The following SMCO4 variants were observed in gnomAD, a reference collection of about 807,000 sequenced individuals.
SMCO4 encodes single-pass membrane and coiled-coil domain-containing protein 4.
A neutral mutation model predicts 3.6 loss-of-function variants in SMCO4; 4 were observed. The observed-to-expected ratio is 1.11, with a 90% confidence interval of 0.54 to 2.53. The LOEUF (loss-of-function observed/expected upper bound fraction) is 2.53, where lower values mean the gene tolerates loss of function less well. Ranked by LOEUF, SMCO4 falls within the 30% of genes most tolerant of loss-of-function variation. The pLI, the probability that SMCO4 is intolerant of heterozygous loss-of-function variation, is 0.02. For missense variants in SMCO4, 70 were observed against 80.8 expected (o/e 0.87, Z 0.51); for synonymous variants, 36 against 35.3 (o/e 1.02, Z -0.07).
intron 2 of SMCO4, among the ~76,000 whole-genome samples, chr11:93,483,895 C>T (rs1018038197): frequency 6.6e-6 from 1 of 152,114 alleles, no homozygotes; most frequent in African/African-American, 2.4e-5. Context: ...CACTTTGTGC[C>T]CCCATCATGG....
intron 2 of SMCO4, among the ~76,000 whole-genome samples, chr11:93,492,145 G>C (rs1948724730): frequency 6.6e-6 from 1 of 152,188 alleles, no homozygotes; most frequent in African/African-American, 2.4e-5. Flanking sequence ...ACTAGCCCCA[G>C]AGACAGGCGA....
chr11:93,545,061 T>C (rs540900014), upstream of SMCO4, among the ~76,000 whole-genome samples: 1 of 152,202 alleles, frequency 6.6e-6, no homozygotes, highest in Non-Finnish European at 1.5e-5. Context: ...TTAGCAAGCC[T>C]CAAGGTTTAA....
chr11:93,530,844 C>T (rs1949155216), intron 1 of SMCO4, among the ~76,000 whole-genome samples: 1 of 152,326 alleles, frequency 6.6e-6, no homozygotes. Flanking sequence ...ACCACCTCAC[C>T]TTCCCCTCTG....
At chr11:93,528,020 T>C (rs946699446) in intron 1 of SMCO4, among the ~76,000 whole-genome samples, 2 of 152,098 alleles carry the variant, frequency 1.3e-5, no homozygotes, top group African/African-American at 4.8e-5. Flanking sequence ...AGTTCTTACA[T>C]TGTCTGGCAC....
intron 1 of SMCO4, among the ~76,000 whole-genome samples, chr11:93,522,616 C>T (rs1166039713): frequency 6.6e-6 from 1 of 152,238 alleles, no homozygotes; most frequent in African/African-American, 2.4e-5. Flanking sequence ...GCCAAGTCTC[C>T]GCCATTGTAG....
chr11:93,528,904 A>G (rs1184107874), intron 1 of SMCO4, among the ~76,000 whole-genome samples: 3 of 152,116 alleles, frequency 2.0e-5, no homozygotes, highest in African/African-American at 7.2e-5. Flanking sequence ...CCCACATCCA[A>G]TACATCCTGT....
At chr11:93,549,512 A>C in the SMCO4 span, among the ~76,000 whole-genome samples, 1 of 152,038 alleles carries the variant, frequency 6.6e-6, no homozygotes, top group African/African-American at 2.4e-5. Context: ...GCAGTGGCAC[A>C]ATCACATCTC....
At chr11:93,508,089 G>A (rs1329707148) in intron 1 of SMCO4, among the ~76,000 whole-genome samples, 1 of 152,006 alleles carries the variant, frequency 6.6e-6, no homozygotes, top group Non-Finnish European at 1.5e-5. Flanking sequence ...TTCTAACACA[G>A]TAAATATTAC....
chr11:93,553,217 A>G, the SMCO4 span, among the ~76,000 whole-genome samples: 2 of 152,232 alleles, frequency 1.3e-5, no homozygotes, highest in African/African-American at 4.8e-5. Flanking sequence ...AGAGACTTGG[A>G]CATGGTTCAT....
intron 1 of SMCO4, among the ~76,000 whole-genome samples, chr11:93,513,295 C>T (rs1948975685): frequency 6.6e-6 from 1 of 152,078 alleles, no homozygotes. Flanking sequence ...CAATGTTAGC[C>T]TTTTTTTGTA....
chr11:93,551,876 G>C, the SMCO4 span, among the ~76,000 whole-genome samples: 1 of 152,158 alleles, frequency 6.6e-6, no homozygotes, highest in Non-Finnish European at 1.5e-5. Context: ...GGTATGAAGA[G>C]CATTGGTGTA....
intron 2 of SMCO4, among the ~76,000 whole-genome samples, chr11:93,493,287 G>A (rs1948739760): frequency 6.6e-6 from 1 of 152,122 alleles, no homozygotes; most frequent in Non-Finnish European, 1.5e-5. Context: ...TCAGGCCACC[G>A]TGGGTCCACT....
chr11:93,534,205 A>T (rs199634781), intron 1 of SMCO4, among the ~76,000 whole-genome samples: 12,697 of 49,246 alleles, frequency 0.26, 1,433 homozygotes, highest in African/African-American at 0.35. Flanking sequence ...AAAAAAAAAA[A>T]ATATATATAT....
chr11:93,509,541 G>A (rs766162411), intron 1 of SMCO4, among the ~76,000 whole-genome samples: 13 of 152,122 alleles, frequency 8.5e-5, no homozygotes, highest in African/African-American at 1.2e-4. Context: ...AGCACAATTC[G>A]CATTTGTAAA....
At chr11:93,493,185 A>G (rs375578543) in intron 2 of SMCO4, among the ~76,000 whole-genome samples, 7 of 152,216 alleles carry the variant, frequency 4.6e-5, no homozygotes, top group African/African-American at 1.7e-4. Flanking sequence ...CACTGAAGAC[A>G]AGGTTTATTG....
intron 1 of SMCO4, among the ~76,000 whole-genome samples, chr11:93,522,428 A>G (rs1367632434): frequency 2.6e-5 from 4 of 152,220 alleles, no homozygotes; most frequent in African/African-American, 9.7e-5. Flanking sequence ...AAGGGAGACA[A>G]GTCTGGTCAT....
At chr11:93,527,318 T>G (rs577013993) in intron 1 of SMCO4, among the ~76,000 whole-genome samples, 1 of 152,298 alleles carries the variant, frequency 6.6e-6, no homozygotes, top group South Asian at 2.1e-4. Context: ...CCTCTGAAGC[T>G]GACTAGCTCT....
At chr11:93,553,623 C>CTAGAT in the SMCO4 span, among the ~76,000 whole-genome samples, 79 of 152,200 alleles carry the variant, frequency 5.2e-4, no homozygotes, top group Non-Finnish European at 1.0e-3. Context: ...TAGACCCAAG[C>CTAGAT]TAGATCTTGT....
the SMCO4 span, among the ~76,000 whole-genome samples, chr11:93,553,027 G>A: frequency 2.0e-5 from 3 of 152,160 alleles, no homozygotes; most frequent in African/African-American, 4.8e-5. Context: ...GCCACAGATG[G>A]AGCTTACTCA....
Sources: allele counts gnomAD v4.1 joint callset (sites outside exome capture counted in the v4.1 genomes callset), GRCh38; gene constraint gnomAD v4.1.1; transcripts MANE v1.5; gene names NCBI Gene and HGNC (gene_info 2026-07-23, HGNC 2026-07-21).